DUXA: variants seen among roughly 807,000 people sequenced by gnomAD.
DUXA encodes double homeobox A.
Under a neutral mutation model 27.5 loss-of-function variants are expected in DUXA, and 25 were observed. The ratio of observed to expected loss-of-function variants is 0.91; its 90% CI spans 0.66 to 1.27. The LOEUF (loss-of-function observed/expected upper bound fraction) is 1.27, where lower values mean the gene tolerates loss of function less well. Ranked by LOEUF, DUXA falls within the 50% of genes most tolerant of loss-of-function variation. The pLI, the probability that DUXA is intolerant of heterozygous loss-of-function variation, is 0.00. For missense variants in DUXA, 247 were observed against 242.9 expected (o/e 1.02, Z -0.11); for synonymous variants, 90 against 80.5 (o/e 1.12, Z -0.63).
chr19:57,155,230 C>T (rs369866205), intron 5 of DUXA, 37 bp downstream of exon 5: 28 of 1,590,004 alleles, frequency 1.8e-5, no homozygotes, highest in East Asian at 4.5e-5. Context: ...CCAAGGGCTC[C>T]GCTTGTGAAC....
intron 1 of DUXA, among the ~76,000 whole-genome samples, chr19:57,166,301 TTATGTATGTATG>T (rs531246996): frequency 6.6e-6 from 1 of 151,962 alleles, no homozygotes; most frequent in South Asian, 2.1e-4. Context: ...ATAATTTAAT[TTATGTATGTATG>T]TATGTATGTA....
intron 1 of DUXA, among the ~76,000 whole-genome samples, chr19:57,165,571 C>T (rs1054360997): frequency 3.3e-5 from 5 of 151,022 alleles, no homozygotes; most frequent in African/African-American, 7.3e-5. Flanking sequence ...TTTGGGAGGC[C>T]GAGGCGGGCA....
intron 3 of DUXA, among the ~76,000 whole-genome samples, chr19:57,158,704 C>T (rs983085294): frequency 1.3e-5 from 2 of 152,148 alleles, no homozygotes; most frequent in East Asian, 1.9e-4. Context: ...AGGCAAGAGG[C>T]CGGGCGCGGT....
At chr19:57,165,322 A>ATATAT (rs1484903570) in intron 1 of DUXA, among the ~76,000 whole-genome samples, 142 of 89,096 alleles carry the variant, frequency 1.6e-3, no homozygotes, top group African/African-American at 4.6e-3. Context: ...AAAAAAAAAA[A>ATATAT]AAATATATAT....
intron 1 of DUXA, among the ~76,000 whole-genome samples, chr19:57,166,890 C>T (rs11672486): frequency 0.24 from 36,572 of 151,898 alleles, 4,567 homozygotes; most frequent in East Asian, 0.28. Flanking sequence ...GAAAACAGTG[C>T]GAGGAATAGT....
At chr19:57,163,474 C>T (rs960539302) in intron 1 of DUXA, among the ~76,000 whole-genome samples, 10 of 150,560 alleles carry the variant, frequency 6.6e-5, no homozygotes, top group African/African-American at 2.2e-4. Context: ...GACAGAGTCT[C>T]ACTCTGTTCC....
At chr19:57,159,077 A>G in intron 3 of DUXA, 90 bp downstream of exon 3, 1 of 1,107,176 alleles carries the variant, frequency 9.0e-7, no homozygotes, top group Non-Finnish European at 1.3e-6. Flanking sequence ...ACAGGAGGTC[A>G]TCAGGGAGGA....
At chr19:57,163,552 C>T (rs771222379) in intron 1 of DUXA, among the ~76,000 whole-genome samples, 25 of 151,996 alleles carry the variant, frequency 1.6e-4, no homozygotes, top group Non-Finnish European at 3.1e-4. Context: ...CAAGTGATTC[C>T]CCTGCCTCAG....
intron 2 of DUXA, among the ~76,000 whole-genome samples, chr19:57,160,095 ACT>A (rs1231317587): frequency 1.3e-5 from 2 of 151,854 alleles, no homozygotes; most frequent in Admixed American, 6.6e-5. Context: ...ACACAGCGAG[ACT>A]CTGTCTCAAA....
intron 4 of DUXA, among the ~76,000 whole-genome samples, chr19:57,155,903 A>T (rs1023711825): frequency 6.6e-6 from 1 of 152,142 alleles, no homozygotes; most frequent in Non-Finnish European, 1.5e-5. Context: ...TCCCGACCTC[A>T]GGTGATCCAC....
Position 57,154,259 on chromosome 19 carries a change from A to T in DUXA, c.*153T>A, listed in dbSNP as rs547162833. On this transcript the variant is annotated 3_prime_UTR_variant, in exon 6 of 6. Transcript: ENST00000554048. ...TGCCTTGGCCTCCCAAAGTAGTGGG[A>T]TTACAAGTGTGACCCACCACATCTG... The T allele has an allele frequency of 9.2e-6, 6 of 655,442 alleles. No individual in the cohort carries two copies. The highest frequency in any genetic ancestry group is 1.3e-5 in the Non-Finnish European group (5 of 386,502). The allele number at this position is 655,442 out of a possible 1,614,324, so 40.6% of individuals were successfully genotyped here. A position where few individuals can be genotyped will look rare whatever the true frequency, so the allele number is the denominator to read the frequency against.
chr19:57,162,369 A>T (rs371782735), intron 1 of DUXA, among the ~76,000 whole-genome samples: 1 of 152,348 alleles, frequency 6.6e-6, no homozygotes, highest in East Asian at 1.9e-4. Context: ...AATTTGCTGG[A>T]TAGGACATCT....
Position 57,159,416 on chromosome 19 carries a change from C to CA in DUXA, c.181-139_181-138insT, listed in dbSNP as rs1555758378. On this transcript the variant is annotated intron_variant, in intron 2 of 5. Coordinates refer to ENST00000554048, the MANE Select transcript of DUXA (RefSeq NM_001012729.2). ...TACTTCTGTCACATTCTACCAAGTC[C>CA]TTTTTTTTCTTTTTTGAGATAGAGT... 1.0e-5 allele frequency: 8 copies of CA among 780,918 alleles called. 1 individual carries two copies. In the East Asian group the frequency reaches 1.9e-4, roughly 19 times the overall value. 48.4% of individuals were successfully genotyped at this position (780,918 alleles called of 1,614,324 possible). A position where few individuals can be genotyped will look rare whatever the true frequency, so the allele number is the denominator to read the frequency against.
intron 1 of DUXA, among the ~76,000 whole-genome samples, chr19:57,164,375 A>T (rs569950565): frequency 1.5e-3 from 232 of 152,320 alleles, no homozygotes; most frequent in Non-Finnish European, 2.5e-3. Context: ...CAGGAGTTCG[A>T]GACCAGCCTG....
At chr19:57,162,500 C>T (rs1035337297) in intron 1 of DUXA, among the ~76,000 whole-genome samples, 1 of 152,112 alleles carries the variant, frequency 6.6e-6, no homozygotes, top group African/African-American at 2.4e-5. Flanking sequence ...GTTAAAAGAC[C>T]AACAGCTTTT....
Position 57,154,277 on chromosome 19 carries a change from C to T in DUXA, c.*135G>A, listed in dbSNP as rs1369768112. On this transcript the variant is annotated 3_prime_UTR_variant, in exon 6 of 6. Coordinates refer to ENST00000554048, the MANE Select transcript of DUXA (RefSeq NM_001012729.2). ...TAGTGGGATTACAAGTGTGACCCAC[C>T]ACATCTGGCCAAGTCCTTTACCATC... 8 of 759,010 alleles carry T rather than the reference C, an allele frequency of 1.1e-5. No individual in the cohort carries two copies. Among genetic ancestry groups the T allele is most frequent in the Non-Finnish European group, 1.7e-5 (8 of 469,436 alleles). 47.0% of individuals were successfully genotyped at this position (759,010 alleles called of 1,614,324 possible).
At chr19:57,154,918 G>A (rs750616173) in intron 5 of DUXA, among the ~76,000 whole-genome samples, 5 of 152,152 alleles carry the variant, frequency 3.3e-5, no homozygotes, top group South Asian at 4.1e-4. Context: ...CCATGCCCCC[G>A]CTGCCCCTGG....
At chr19:57,161,122 G>A (rs1329035459) in intron 1 of DUXA, among the ~76,000 whole-genome samples, 1 of 151,686 alleles carries the variant, frequency 6.6e-6, no homozygotes, top group African/African-American at 2.4e-5. Flanking sequence ...TCAGGAGTTC[G>A]AGACCAGCCT....
chr19:57,162,963 A>G (rs1179109598), intron 1 of DUXA, among the ~76,000 whole-genome samples: 1 of 152,038 alleles, frequency 6.6e-6, no homozygotes, highest in African/African-American at 2.4e-5. Context: ...GACATTACCC[A>G]TCATTCCTCT....
Sources: allele counts gnomAD v4.1 joint callset (sites outside exome capture counted in the v4.1 genomes callset), GRCh38; gene constraint gnomAD v4.1.1; transcripts MANE v1.5; gene names NCBI Gene and HGNC (gene_info 2026-07-23, HGNC 2026-07-21).